Variants in POLE observed in about 807,000 individuals in gnomAD.
POLE encodes the protein DNA polymerase epsilon, catalytic subunit.
Under a neutral mutation model 279.2 loss-of-function variants are expected in POLE, and 188 were observed. That is an observed-to-expected ratio of 0.67 (90% CI 0.60 to 0.76). The LOEUF (loss-of-function observed/expected upper bound fraction) is 0.76. Ranked by LOEUF, POLE falls within the 30% of genes least tolerant of loss-of-function variation. The probability of loss-of-function intolerance (pLI) is 0.00; values close to 1 mark genes in which losing one functional copy is unlikely to be tolerated. For synonymous variants in POLE, 1,214 were observed against 1,172.5 expected (o/e 1.04, Z -0.72); for missense variants, 2,703 against 3,016.7 (o/e 0.90, Z 2.44).
chr12:132,632,575 G>A, intron 44 of POLE, 67 bp from the exon 45 acceptor site: 2 of 1,607,154 alleles, frequency 1.2e-6, no homozygotes, highest in Non-Finnish European at 1.7e-6. Context: ...TCCCACCTGG[G>A]GGACTGGCAC....
Position 132,643,525 on chromosome 12 carries a change from G to C in POLE, c.4326C>G (p.Gly1442=). Residue 1442 remains glycine (G), a synonymous_variant, in exon 34 of 49, where the codon GGC becomes GGG. Transcript: ENST00000320574. The part of the protein sequence containing the change: ...PLLFRALVHL[G]CVCVVNKQLV... ...GCTGTTTATTGACCACACACACACA[G>C]CCCAGGTGCACCAGGGCCCGGAACA... 1 of 1,614,142 alleles carries C rather than the reference G, an allele frequency of 6.2e-7. No individual in the cohort carries two copies. Among genetic ancestry groups the C allele is most frequent in the Non-Finnish European group, 8.5e-7 (1 of 1,180,014 alleles).
chr12:132,651,789 T>C lies in POLE; in HGVS notation c.3583-1900A>G, dbSNP rs115992189. 9.0e-3 allele frequency among the ~76,000 whole-genome samples: 1,371 copies of C among 152,280 alleles called. 15 individuals are homozygous for C. The highest frequency in any genetic ancestry group is 0.032 in the African/African-American group (1,311 of 41,550). The stretch of plus-strand genomic sequence containing the variant: ...GTGAGCTGTCCTGTGAAGAGCCCCA[T>C]GGAGCAGGGGACTAAGGATAACGTC... On this transcript the variant is annotated intron_variant, in intron 29 of 48. Coordinates refer to ENST00000320574, the MANE Select transcript of POLE (RefSeq NM_006231.4).
At position 132,659,439 on chromosome 12, in the gene POLE, T is replaced by C. The variant is rs2042630601; in HGVS notation, c.3131A>G (p.Glu1044Gly). Residue 1044 changes from glutamate to glycine, a missense_variant, in exon 26 of 49, where the codon GAA (glutamate) becomes GGA (glycine). By Grantham distance (98) the Glu-to-Gly change is moderately conservative. This residue lies in a region of POLE where 1,551 missense variants were observed against 1,686.1 expected (regional missense o/e 0.92). Coordinates refer to ENST00000320574, the MANE Select transcript of POLE (RefSeq NM_006231.4). ...SENRSMSRKL[E>G]DYGEQKSTSI... The stretch of plus-strand genomic sequence containing the variant: ...CGTAGACTTCTGCTCCCCGTAATCT[T>C]CCAGCTTCCGAGACATGGAACGGTT... 6.2e-7 allele frequency: 1 copy of C among 1,614,242 alleles called. No individual in the cohort carries two copies. The highest frequency in any genetic ancestry group is 8.5e-7 in the Non-Finnish European group (1 of 1,180,040).
chr12:132,658,183 C>T (rs534287549), intron 26 of POLE: 12 of 498,232 alleles, frequency 2.4e-5, no homozygotes, highest in East Asian at 7.1e-5. Context: ...CGTGTGTGCA[C>T]GTAAACATGT....
intron 46 of POLE, 103 bp downstream of exon 46, chr12:132,626,014 C>T: frequency 8.2e-7 from 1 of 1,214,806 alleles, no homozygotes; most frequent in Non-Finnish European, 1.2e-6. Flanking sequence ...AGAGGGGCAG[C>T]AGGTGTGACC....
At chr12:132,625,532 T>A in intron 47 of POLE, 113 bp downstream of exon 47, 1 of 1,378,362 alleles carries the variant, frequency 7.3e-7, no homozygotes, top group Non-Finnish European at 1.0e-6. Flanking sequence ...GGCAGGCCCC[T>A]TGGAAGACAC....
At chr12:132,674,370 T>C (rs1317043149) in intron 12 of POLE, among the ~76,000 whole-genome samples, 1 of 151,716 alleles carries the variant, frequency 6.6e-6, no homozygotes, top group Non-Finnish European at 1.5e-5. Context: ...ACCCCAGCTT[T>C]CACCAAGACC....
intron 26 of POLE, among the ~76,000 whole-genome samples, 170 bp downstream of exon 26, chr12:132,659,125 T>C (rs1175653570): frequency 1.3e-5 from 2 of 152,078 alleles, no homozygotes; most frequent in Non-Finnish European, 2.9e-5. Context: ...ATCCCCAAAC[T>C]TGGTGTTAAA....
chr12:132,654,692 T>C (rs867622977), intron 29 of POLE, among the ~76,000 whole-genome samples: 6 of 152,298 alleles, frequency 3.9e-5, no homozygotes, highest in Middle Eastern at 3.4e-3. Flanking sequence ...TGCAGGAGGC[T>C]GAGGCAGGTG....
intron 39 of POLE, chr12:132,640,951 T>C (rs532733948): frequency 1.5e-4 from 67 of 456,566 alleles, no homozygotes; most frequent in Admixed American, 2.6e-4. Flanking sequence ...CCCTTTTGTA[T>C]GGAGTCATTA....
intron 12 of POLE, among the ~76,000 whole-genome samples, chr12:132,673,960 T>C (rs1421430999): frequency 6.6e-6 from 1 of 152,044 alleles, no homozygotes; most frequent in Non-Finnish European, 1.5e-5. Context: ...CTTCCTCCCA[T>C]CCTCAGCAGA....
At position 132,668,703 on chromosome 12, in the gene POLE, G is replaced by A. The variant is rs1555227357; in HGVS notation, c.1958C>T (p.Ala653Val). The A allele has an allele frequency of 6.2e-7, 1 of 1,614,142 alleles. No homozygotes were observed. The highest frequency in any genetic ancestry group is 8.5e-7 in the Non-Finnish European group (1 of 1,179,968). ...TGCTCCAGGCTTATTGAAGTCACAG[G>A]CAGCACAGGTGGCTTCGTCCACCAT... ...SAMVDEATCAACDFNKPGANC... is the reference protein window; with the variant it reads ...SAMVDEATCAVCDFNKPGANC... Residue 653 changes from alanine (A) to valine (V), a missense_variant, in exon 18 of 49, where the codon GCC (alanine) becomes GTC (valine). By Grantham distance (64) the Ala-to-Val change is moderately conservative. Around this residue, in one of 5 missense-constraint regions of POLE, gnomAD observed 1,011 missense variants for 1,111.7 expected, o/e 0.91. Coordinates refer to ENST00000320574, the MANE Select transcript of POLE (RefSeq NM_006231.4). The surrounding 1 kb of genome is among the most constrained non-coding windows in gnomAD (Gnocchi z 4.0).
intron 33 of POLE, 70 bp downstream of exon 33, chr12:132,643,767 C>T (rs55807236): frequency 1.4e-5 from 22 of 1,552,608 alleles, no homozygotes; most frequent in African/African-American, 1.4e-4. Context: ...ACACCCTGGG[C>T]GGGTTTCTTT....
chr12:132,645,223 C>T (rs2042254653), intron 32 of POLE, among the ~76,000 whole-genome samples: 1 of 61,570 alleles, frequency 1.6e-5, no homozygotes. Flanking sequence ...GTGTGGGGTC[C>T]TGGGGGGTCT....
chr12:132,670,516 TG>T (rs2042901359), intron 16 of POLE, among the ~76,000 whole-genome samples: 2 of 151,116 alleles, frequency 1.3e-5, no homozygotes, highest in South Asian at 4.2e-4. Flanking sequence ...CCCAAAATGC[TG>T]GGATTCCAGG....
At chr12:132,647,352 TA>T (rs2042308739) in intron 32 of POLE, among the ~76,000 whole-genome samples, 1 of 151,732 alleles carries the variant, frequency 6.6e-6, no homozygotes, top group East Asian at 1.9e-4. Context: ...AGTAATACTT[TA>T]AAAAGAGAGG....
At chr12:132,680,562 A>G (rs746174915) in intron 3 of POLE, 45 bp downstream of exon 3, 1 of 1,413,056 alleles carries the variant, frequency 7.1e-7, no homozygotes, top group Non-Finnish European at 1.0e-6. Context: ...AGCTACATGA[A>G]CACCCATAAA....
intron 9 of POLE, 105 bp downstream of exon 9, chr12:132,676,441 T>C: frequency 1.2e-6 from 1 of 810,420 alleles, no homozygotes; most frequent in South Asian, 1.5e-5. Flanking sequence ...GACTAACTCA[T>C]TATTCACTCA....
In POLE at chr12:132,672,804, G is replaced by A. The variant is rs1415621480; in HGVS notation, c.1509C>T (p.Ala503=). 6.8e-6 allele frequency: 11 copies of A among 1,614,188 alleles called. No individual in the cohort carries two copies. The highest frequency in any genetic ancestry group is 9.3e-6 in the Non-Finnish European group (11 of 1,180,028). Residue 503 remains alanine, a synonymous_variant, in exon 15 of 49, where the codon GCC becomes GCT. Transcript: ENST00000320574. ...LRKGSGTLCE[A]LLMVQAFHAN... Reference sequence around the variant, plus strand: ...CGTGGAAGGCCTGCACCATCAGCAAGGCCTCACACAGAGTGCCAGAGCCCT... The same window carrying A: ...CGTGGAAGGCCTGCACCATCAGCAAAGCCTCACACAGAGTGCCAGAGCCCT...
Sources: gnomAD v4.1 joint callset for allele counts (sites outside exome capture counted in the v4.1 genomes callset) on GRCh38, gnomAD v4.1.1 for gene constraint, gnomAD v4.1.1 regional missense constraint, Gnocchi (gnomAD v3.1) non-coding constraint, MANE v1.5 for transcripts, NCBI Gene and HGNC (gene_info 2026-07-23, HGNC 2026-07-21) for gene names.